ZFAND3: variants seen among roughly 807,000 people sequenced by gnomAD.
The protein encoded by ZFAND3 is zinc finger AN1-type containing 3.
A neutral mutation model predicts 29.6 loss-of-function variants in ZFAND3; 10 were observed. The ratio of observed to expected loss-of-function variants is 0.34; its 90% confidence interval spans 0.21 to 0.57. ZFAND3 has a LOEUF of 0.57. ZFAND3 is among the 20% of genes least tolerant of loss of function. The pLI, the probability that ZFAND3 is intolerant of heterozygous loss-of-function variation, is 0.86. For synonymous variants in ZFAND3, 128 were observed against 112.6 expected (o/e 1.14, Z -0.87); for missense variants, 230 against 304.5 (o/e 0.76, Z 1.82).
intron 1 of ZFAND3, among the ~76,000 whole-genome samples, chr6:37,849,882 C>T (rs897017893): frequency 1.3e-5 from 2 of 152,158 alleles, no homozygotes; most frequent in African/African-American, 2.4e-5. Flanking sequence ...TGGGTTCTGC[C>T]ACCATCTCCC....
intron 1 of ZFAND3, among the ~76,000 whole-genome samples, chr6:37,926,907 G>A (rs1307548149): frequency 2.0e-5 from 3 of 152,284 alleles, no homozygotes; most frequent in Admixed American, 6.5e-5. Flanking sequence ...CAAAGTTCCC[G>A]GAAGTCTCTG....
chr6:37,934,460 A>G (rs574753102), intron 2 of ZFAND3, among the ~76,000 whole-genome samples: 8 of 150,934 alleles, frequency 5.3e-5, no homozygotes, highest in Admixed American at 2.0e-4. Context: ...CTCAAGTATT[A>G]GGATTTGAGG....
intron 4 of ZFAND3, among the ~76,000 whole-genome samples, chr6:38,114,064 A>C (rs1765369817): frequency 6.6e-6 from 1 of 152,230 alleles, no homozygotes; most frequent in African/African-American, 2.4e-5. Flanking sequence ...TAATAATGAA[A>C]AGGCCTCAGC....
At chr6:38,102,416 C>T (rs1765113426) in intron 4 of ZFAND3, among the ~76,000 whole-genome samples, 1 of 151,898 alleles carries the variant, frequency 6.6e-6, no homozygotes, top group Admixed American at 6.6e-5. Context: ...ACCCATTTCC[C>T]CACCTCACCC....
chr6:38,089,547 GTGTT>G (rs2127473434), intron 4 of ZFAND3, among the ~76,000 whole-genome samples: 1 of 152,350 alleles, frequency 6.6e-6, no homozygotes, highest in South Asian at 2.1e-4. Flanking sequence ...TTTCACATCA[GTGTT>G]TGGAAGCCAG....
At chr6:38,011,382 CT>C (rs1391204269) in intron 2 of ZFAND3, among the ~76,000 whole-genome samples, 4 of 152,160 alleles carry the variant, frequency 2.6e-5, no homozygotes, top group Non-Finnish European at 5.9e-5. Flanking sequence ...AACTGCCAAA[CT>C]GTTTTCCAGA....
intron 1 of ZFAND3, among the ~76,000 whole-genome samples, chr6:37,908,796 C>T (rs1170034032): frequency 6.7e-6 from 1 of 150,214 alleles, no homozygotes; most frequent in Non-Finnish European, 1.5e-5. Context: ...GTACTGAATG[C>T]CAGATTCTAA....
intron 2 of ZFAND3, among the ~76,000 whole-genome samples, chr6:38,013,899 G>C (rs938490567): frequency 3.3e-5 from 5 of 152,158 alleles, no homozygotes; most frequent in African/African-American, 1.2e-4. Context: ...TACTGCATGG[G>C]TACTAAAGTT....
chr6:37,899,642 A>G (rs1318617577), intron 1 of ZFAND3, among the ~76,000 whole-genome samples: 1 of 152,216 alleles, frequency 6.6e-6, no homozygotes, highest in African/African-American at 2.4e-5. Context: ...TTTAGCCCTT[A>G]TGTTTTAGAC....
At chr6:38,082,585 C>G (rs1356080184) in intron 4 of ZFAND3, 128 bp downstream of exon 4, 1 of 808,898 alleles carries the variant, frequency 1.2e-6, no homozygotes, top group Non-Finnish European at 1.9e-6. Flanking sequence ...GTGATATGTG[C>G]TTAGTATTCA....
intron 1 of ZFAND3, among the ~76,000 whole-genome samples, chr6:37,835,247 C>T (rs1470053396): frequency 6.6e-6 from 1 of 152,092 alleles, no homozygotes; most frequent in African/African-American, 2.4e-5. Context: ...GCAGCCTCAG[C>T]CTATGGGCTC....
intron 2 of ZFAND3, among the ~76,000 whole-genome samples, chr6:38,029,598 C>A (rs1489899862): frequency 6.6e-6 from 1 of 152,054 alleles, no homozygotes; most frequent in East Asian, 1.9e-4. Context: ...ATAAAGAATA[C>A]CTACATATTA....
intron 1 of ZFAND3, among the ~76,000 whole-genome samples, chr6:37,829,866 C>T (rs556805265): frequency 6.6e-6 from 1 of 152,184 alleles, no homozygotes; most frequent in Non-Finnish European, 1.5e-5. Flanking sequence ...GTCTTTGCAA[C>T]TGACAGATAA....
intron 2 of ZFAND3, among the ~76,000 whole-genome samples, chr6:38,028,320 CTA>C (rs1763486664): frequency 6.6e-6 from 1 of 152,052 alleles, no homozygotes; most frequent in South Asian, 2.1e-4. Flanking sequence ...TTTATAGGAC[CTA>C]TATGTTAGTG....
chr6:38,070,481 G>C (rs546197812), intron 3 of ZFAND3, among the ~76,000 whole-genome samples: 1 of 150,130 alleles, frequency 6.7e-6, no homozygotes, highest in East Asian at 1.9e-4. Context: ...TTTTATAACT[G>C]CTTTTTAACT....
intron 4 of ZFAND3, among the ~76,000 whole-genome samples, chr6:38,086,717 A>G (rs547366421): frequency 6.6e-6 from 1 of 152,342 alleles, no homozygotes; most frequent in South Asian, 2.1e-4. Flanking sequence ...TTTTATTTGG[A>G]AGGTATTTGG....
intron 5 of ZFAND3, among the ~76,000 whole-genome samples, chr6:38,126,047 A>G (rs1350561082): frequency 6.6e-6 from 1 of 152,212 alleles, no homozygotes; most frequent in East Asian, 1.9e-4. Context: ...CAATACTTCC[A>G]TCATCCCAAA....
At chr6:38,128,240 T>G (rs1765675049) in intron 5 of ZFAND3, among the ~76,000 whole-genome samples, 1 of 152,246 alleles carries the variant, frequency 6.6e-6, no homozygotes, top group Admixed American at 6.5e-5. Flanking sequence ...AATGTGTAGT[T>G]AAAACTAATT....
At chr6:37,963,574 A>G (rs1403540842) in intron 2 of ZFAND3, among the ~76,000 whole-genome samples, 1 of 152,168 alleles carries the variant, frequency 6.6e-6, no homozygotes, top group Non-Finnish European at 1.5e-5. Context: ...AAAAGAGACA[A>G]ACCTTTAGCC....
Sources: gnomAD v4.1 joint callset for allele counts (sites outside exome capture counted in the v4.1 genomes callset) on GRCh38, gnomAD v4.1.1 for gene constraint, MANE v1.5 for transcripts, NCBI Gene and HGNC (gene_info 2026-07-23, HGNC 2026-07-21) for gene names.